B4GALT1: variants seen among roughly 807,000 people sequenced by gnomAD.
B4GALT1 encodes the protein N-acetyllactosamine synthase.
B4GALT1 carries 16 observed loss-of-function variants against 34.9 expected under a neutral mutation model. The ratio of observed to expected loss-of-function variants is 0.46; its 90% CI spans 0.31 to 0.70. The LOEUF (loss-of-function observed/expected upper bound fraction) is 0.70, where lower values mean the gene tolerates loss of function less well. B4GALT1 is among the 30% of genes least tolerant of loss of function. The pLI, the probability that B4GALT1 is intolerant of heterozygous loss-of-function variation, is 0.05. For missense variants in B4GALT1, 445 were observed against 530.5 expected, an observed-to-expected ratio of 0.84 and a Z score of 1.58; for synonymous variants, 221 against 218.1, an observed-to-expected ratio of 1.01 and a Z score of -0.12.
the B4GALT1 span, among the ~76,000 whole-genome samples, chr9:33,176,243 G>A: frequency 6.6e-6 from 1 of 152,176 alleles, no homozygotes; most frequent in Non-Finnish European, 1.5e-5. Flanking sequence ...GGTACCCGGT[G>A]TGCTCTTTTC....
At chr9:33,169,600 A>C (rs1325044465), upstream of B4GALT1, among the ~76,000 whole-genome samples, 1 of 148,846 alleles carries the variant, frequency 6.7e-6, no homozygotes, top group Non-Finnish European at 1.5e-5. Flanking sequence ...ACCTCACTGC[A>C]ACCTCTGCCT....
intron 1 of B4GALT1, among the ~76,000 whole-genome samples, chr9:33,145,707 A>G (rs1183874658): frequency 2.6e-5 from 4 of 152,176 alleles, no homozygotes; most frequent in African/African-American, 7.2e-5. Flanking sequence ...TTCCCCTTAA[A>G]TAATCTTCCA....
chr9:33,137,215 T>C (rs886182410), intron 1 of B4GALT1, among the ~76,000 whole-genome samples: 7 of 152,182 alleles, frequency 4.6e-5, no homozygotes, highest in Non-Finnish European at 7.3e-5. Flanking sequence ...GCTCTGTCTG[T>C]CTCCCTCCCC....
intron 1 of B4GALT1, among the ~76,000 whole-genome samples, chr9:33,164,970 A>ATTTTT (rs534464885): frequency 2.8e-5 from 3 of 107,580 alleles, no homozygotes; most frequent in Non-Finnish European, 5.6e-5. Context: ...GAGTGCCCGT[A>ATTTTT]TTTTTTTTTT....
intron 3 of B4GALT1, among the ~76,000 whole-genome samples, chr9:33,118,729 T>C (rs763660344): frequency 6.6e-5 from 10 of 152,100 alleles, no homozygotes; most frequent in African/African-American, 2.2e-4. Context: ...GCTGTCTACA[T>C]GAGCCAACCA....
chr9:33,126,955 T>G (rs560256468), intron 2 of B4GALT1, among the ~76,000 whole-genome samples: 21 of 149,636 alleles, frequency 1.4e-4, no homozygotes, highest in South Asian at 6.2e-4. Flanking sequence ...TTGTTTGTTT[T>G]TTTGTTTTGT....
At chr9:33,109,670 C>T (rs1839832259), downstream of B4GALT1, among the ~76,000 whole-genome samples, 2 of 152,336 alleles carry the variant, frequency 1.3e-5, no homozygotes, top group South Asian at 4.1e-4. Flanking sequence ...AGGTCACAAC[C>T]AACTACTTGT....
chr9:33,166,312 G>T (rs939255887), intron 1 of B4GALT1, among the ~76,000 whole-genome samples: 2 of 152,176 alleles, frequency 1.3e-5, no homozygotes, highest in East Asian at 3.9e-4. Flanking sequence ...TCTATGGCAA[G>T]ACACGTGAAC....
chr9:33,147,253 T>C (rs952470009), intron 1 of B4GALT1, among the ~76,000 whole-genome samples: 7 of 151,524 alleles, frequency 4.6e-5, no homozygotes, highest in African/African-American at 1.5e-4. Context: ...TTCTTTTTTT[T>C]TTTTTTTTTT....
intron 2 of B4GALT1, 99 bp from the exon 3 acceptor site, chr9:33,120,705 G>T: frequency 7.8e-7 from 1 of 1,274,508 alleles, no homozygotes; most frequent in Non-Finnish European, 1.1e-6. Flanking sequence ...TGGTCACTAG[G>T]AAACTCTTGG....
chr9:33,148,638 C>T (rs1840463352), intron 1 of B4GALT1, among the ~76,000 whole-genome samples: 1 of 152,124 alleles, frequency 6.6e-6, no homozygotes, highest in Non-Finnish European at 1.5e-5. Context: ...TACACGGCAA[C>T]GTGGATGGAC....
rs770661209 is a variant in B4GALT1 at position 33,167,182 on chromosome 9, G to T, written c.-13C>A. ...CCCGAAGCCTCATCTTCCCGCCGCC[G>T]CTTTAAGAAGGGTGTGGGCTACAGG... is the stretch of plus-strand genomic sequence containing the variant. On this transcript the variant is annotated 5_prime_UTR_variant, in exon 1 of 6. Transcript: ENST00000379731. 1 of 1,592,226 alleles carries T rather than the reference G, an allele frequency of 6.3e-7. No individual in the cohort carries two copies. Among genetic ancestry groups the T allele is most frequent in the South Asian group, 1.1e-5 (1 of 88,940 alleles).
At chr9:33,144,143 CAA>C (rs1042840438) in intron 1 of B4GALT1, among the ~76,000 whole-genome samples, 3 of 152,168 alleles carry the variant, frequency 2.0e-5, no homozygotes, top group African/African-American at 4.8e-5. Context: ...CTTGGCCTCC[CAA>C]AGTGTTGGGA....
upstream of B4GALT1, among the ~76,000 whole-genome samples, chr9:33,170,558 T>A (rs1840831285): frequency 6.6e-6 from 1 of 152,116 alleles, no homozygotes; most frequent in African/African-American, 2.4e-5. Flanking sequence ...GCGGGGGTTA[T>A]TAAGAATCAC....
intron 1 of B4GALT1, among the ~76,000 whole-genome samples, chr9:33,143,783 T>A (rs570966625): frequency 3.3e-5 from 5 of 152,356 alleles, no homozygotes; most frequent in East Asian, 1.9e-4. Flanking sequence ...CAGGAACTAC[T>A]GTGTATTTTC....
chr9:33,168,711 C>A (rs1295843097), upstream of B4GALT1, among the ~76,000 whole-genome samples: 1 of 152,204 alleles, frequency 6.6e-6, no homozygotes, highest in South Asian at 2.1e-4. Context: ...AGCCATAGTC[C>A]ATGATGTTCT....
At chr9:33,175,020 T>TATATATATATATATATAAAAAA in the B4GALT1 span, among the ~76,000 whole-genome samples, 1 of 39,062 alleles carries the variant, frequency 2.6e-5, no homozygotes, top group Non-Finnish European at 5.6e-5. Flanking sequence ...TATATATATA[T>TATATATATATATATATAAAAAA]AAAATTGGAG....
intron 2 of B4GALT1, among the ~76,000 whole-genome samples, chr9:33,134,564 T>C (rs1840239754): frequency 6.6e-6 from 1 of 152,258 alleles, no homozygotes; most frequent in Non-Finnish European, 1.5e-5. Context: ...AAAGTTGACC[T>C]ATCCTTAGCA....
chr9:33,122,031 T>C (rs1033306717), intron 2 of B4GALT1, among the ~76,000 whole-genome samples: 1 of 152,116 alleles, frequency 6.6e-6, no homozygotes, highest in Non-Finnish European at 1.5e-5. Flanking sequence ...CTAACCAGAA[T>C]CTTCACAACA....
Sources: allele counts gnomAD v4.1 joint callset (sites outside exome capture counted in the v4.1 genomes callset), GRCh38; gene constraint gnomAD v4.1.1; transcripts MANE v1.5; gene names NCBI Gene and HGNC (gene_info 2026-07-23, HGNC 2026-07-21).